Variants in CHD5 observed in about 807,000 individuals in gnomAD.
CHD5 encodes ATP-dependent chromatin remodeler CHD5.
A neutral mutation model predicts 230.3 loss-of-function variants in CHD5; 69 were observed. That is an observed-to-expected ratio of 0.30 (90% CI 0.25 to 0.37). The LOEUF (loss-of-function observed/expected upper bound fraction) is 0.37, where lower values mean the gene tolerates loss of function less well. Ranked by LOEUF, CHD5 falls within the 10% of genes least tolerant of loss-of-function variation. The pLI, the probability that CHD5 is intolerant of heterozygous loss-of-function variation, is 1.00. For missense variants in CHD5, 1,827 were observed against 2,622.8 expected, an observed-to-expected ratio of 0.70 and a Z score of 6.63; for synonymous variants, 1,064 against 1,065.9, an observed-to-expected ratio of 1.00 and a Z score of 0.03.
At chr1:6,150,640 A>G (rs1439410516) in intron 7 of CHD5, among the ~76,000 whole-genome samples, 1 of 151,828 alleles carries the variant, frequency 6.6e-6, no homozygotes, top group Non-Finnish European at 1.5e-5. Context: ...AAGGAGGGAG[A>G]AGGAGGGATG....
chr1:6,123,838 G>A (rs1365389865), intron 31 of CHD5, 110 bp downstream of exon 31: 19 of 701,822 alleles, frequency 2.7e-5, no homozygotes, highest in Non-Finnish European at 4.1e-5. Flanking sequence ...AGAGGCTTTG[G>A]GGGAAGGAGA....
In CHD5 at chr1:6,177,337, C is replaced by T. The variant is rs147508450; in HGVS notation, c.79+2608G>A. ...GACTTGACAGGAGGCCTGGCTAGGG[C>T]TGTCTTCACAGCCAGAAGCTGGGGT... On this transcript the variant is annotated intron_variant, in intron 1 of 41. Transcript: ENST00000262450. Among the ~76,000 whole-genome samples, 567 of 152,298 alleles carry T rather than the reference C, an allele frequency of 3.7e-3. 15 individuals are homozygous for T. Among genetic ancestry groups the T allele is most frequent in the Admixed American group, 0.031 (472 of 15,300 alleles).
intron 33 of CHD5, among the ~76,000 whole-genome samples, chr1:6,120,676 C>T (rs1666453916): frequency 6.6e-6 from 1 of 151,902 alleles, no homozygotes; most frequent in Non-Finnish European, 1.5e-5. Context: ...GTGGTATGCA[C>T]CTATAGTCCC....
rs753424349 is a variant in CHD5, at chr1:6,128,532, TGGC to T, written c.3694_3696del (p.Ala1232del). The T allele has an allele frequency of 5.0e-6, 8 of 1,614,070 alleles. No homozygotes were observed. In the African/African-American group the frequency reaches 1.1e-4, roughly 22 times the overall value. On this transcript the variant is annotated inframe_deletion, in exon 24 of 42. Coordinates refer to ENST00000262450, the MANE Select transcript of CHD5 (RefSeq NM_015557.3). The surrounding 1 kb of genome is among the most constrained non-coding windows in gnomAD (Gnocchi z 7.8). ...GTGCTACCGTGCTTCTTCTTTGCAC[TGGC>T]GGCCAAGTTCCCCCCTTTGGAGGAC...
Position 6,154,714 on chromosome 1 carries a change from G to A in CHD5, c.691C>T (p.Pro231Ser), listed in dbSNP as rs376898938. Residue 231 changes from proline (P) to serine (S), a missense_variant, in exon 5 of 42, where the codon CCG (proline) becomes TCG (serine). Pro to Ser is a moderately conservative substitution (Grantham distance 74). Coordinates refer to ENST00000262450, the MANE Select transcript of CHD5 (RefSeq NM_015557.3). This position sits in a 1 kb window ranked among gnomAD's most constrained non-coding sequence, Gnocchi z 7.0. ...TISPPLAVSP[P>S]QVPQPVPIRK... ...ATAGGCACAGGCTGGGGCACCTGCG[G>A]GGGGCTGACGGCTAGCGGAGGGGAG... 7 of 1,606,066 alleles carry A rather than the reference G, an allele frequency of 4.4e-6. No individual in the cohort carries two copies. The highest frequency in any genetic ancestry group is 6.0e-6 in the Non-Finnish European group (7 of 1,175,638).
intron 33 of CHD5, among the ~76,000 whole-genome samples, chr1:6,114,871 A>G (rs1049992573): frequency 6.6e-6 from 1 of 152,020 alleles, no homozygotes; most frequent in African/African-American, 2.4e-5. Context: ...AAAATTAGGC[A>G]GGTGTGGTGG....
chr1:6,177,803 G>A (rs888718983), intron 1 of CHD5, among the ~76,000 whole-genome samples: 9 of 152,230 alleles, frequency 5.9e-5, no homozygotes, highest in Non-Finnish European at 1.3e-4. Context: ...AGGATGGAGC[G>A]TGGAGCGTGG....
At chr1:6,149,142 C>T in intron 8 of CHD5, 67 bp from the exon 9 acceptor site, 4 of 1,465,340 alleles carry the variant, frequency 2.7e-6, no homozygotes, top group Non-Finnish European at 3.6e-6. Context: ...CGACTCCCTC[C>T]CTCCCCTACA....
rs372178185 is a variant in CHD5 at position 6,155,733 on chromosome 1, C to T, written c.388-16G>A. 1.2e-6 allele frequency: 2 copies of T among 1,606,524 alleles called. No individual in the cohort carries two copies. Among genetic ancestry groups the T allele is most frequent in the East Asian group, 4.5e-5 (2 of 44,846 alleles). On this transcript the variant is annotated splice_polypyrimidine_tract_variant and intron_variant, in intron 3 of 41. Coordinates refer to ENST00000262450, the MANE Select transcript of CHD5 (RefSeq NM_015557.3). This position sits in a 1 kb window ranked among gnomAD's most constrained non-coding sequence, Gnocchi z 4.0. ...ACTTGGGCTCCTACAGAGACCCAGG[C>T]CAGAGGTAGAGTTGTTGAGGGGCCT...
At position 6,125,711 on chromosome 1, in the gene CHD5, C is replaced by G; in HGVS notation, c.4171+55G>C. ...AGACCAGCCCCGCTCCTGCTGCCAT[C>G]AGCTCCCCTGACATGGCCTCAGCAG... On this transcript the variant is annotated intron_variant, in intron 27 of 41. Transcript: ENST00000262450. The surrounding 1 kb of genome is among the most constrained non-coding windows in gnomAD (Gnocchi z 6.7). 3.1e-6 allele frequency: 5 copies of G among 1,589,138 alleles called. No homozygotes were observed. The highest frequency in any genetic ancestry group is 4.3e-6 in the Non-Finnish European group (5 of 1,157,534).
intron 1 of CHD5, among the ~76,000 whole-genome samples, chr1:6,169,478 G>A (rs1301767974): frequency 6.6e-6 from 1 of 152,258 alleles, no homozygotes; most frequent in Non-Finnish European, 1.5e-5. Flanking sequence ...CCCAGAGGAA[G>A]GGCTGCCACA....
At position 6,180,102 on chromosome 1, in the gene CHD5, G is replaced by A. The variant is rs1014391435; in HGVS notation, c.-79C>T. The A allele has an allele frequency of 8.9e-6, 6 of 675,244 alleles. No homozygotes were observed. In the Admixed American group the frequency reaches 1.7e-4, roughly 19 times the overall value. The allele number at this position is 675,244 out of a possible 1,614,324, so 41.8% of individuals were successfully genotyped here. The stretch of plus-strand genomic sequence containing the variant: ...GCCAGCCTTAACCCGTGCGCTGCCG[G>A]ACCGGCGCGCGCGGCGGGCGAGGCG... On this transcript the variant is annotated 5_prime_UTR_variant, in exon 1 of 42. Transcript: ENST00000262450.
intron 33 of CHD5, among the ~76,000 whole-genome samples, chr1:6,120,579 G>A (rs7541521): frequency 0.25 from 37,392 of 151,400 alleles, 5,610 homozygotes; most frequent in African/African-American, 0.41. Flanking sequence ...CGAGGCAGGC[G>A]GATCACGAGG....
intron 38 of CHD5, 101 bp downstream of exon 38, chr1:6,109,694 C>A: frequency 3.9e-6 from 4 of 1,033,530 alleles, no homozygotes; most frequent in Non-Finnish European, 5.8e-6. Flanking sequence ...GACATCTGTC[C>A]CCAGCCCCTA....
chr1:6,177,311 C>T (rs1046205075), intron 1 of CHD5, among the ~76,000 whole-genome samples: 3 of 152,140 alleles, frequency 2.0e-5, no homozygotes, highest in Non-Finnish European at 2.9e-5. Flanking sequence ...GCCAGCAGTG[C>T]GACTTGACAG....
chr1:6,159,589 C>A (rs1667135391), intron 2 of CHD5, 74 bp from the exon 3 acceptor site: 2 of 1,286,324 alleles, frequency 1.6e-6, no homozygotes, highest in Non-Finnish European at 2.2e-6. Flanking sequence ...CAGGACGGCC[C>A]TGAGAGCTAC....
chr1:6,106,871 G>A (rs1275321649), intron 38 of CHD5, 92 bp from the exon 39 acceptor site: 3 of 881,878 alleles, frequency 3.4e-6, no homozygotes, highest in African/African-American at 4.2e-5. Context: ...GGGGTGGAGG[G>A]GTGGAGGGGT....
intron 2 of CHD5, among the ~76,000 whole-genome samples, chr1:6,161,845 C>T (rs957137547): frequency 1.3e-5 from 2 of 152,148 alleles, no homozygotes; most frequent in East Asian, 1.9e-4. Flanking sequence ...TGGGGCTGGC[C>T]GGAGGAAGGG....
chr1:6,115,278 C>G (rs972170719), intron 33 of CHD5, among the ~76,000 whole-genome samples: 1 of 151,700 alleles, frequency 6.6e-6, no homozygotes, highest in South Asian at 2.1e-4. Context: ...AGGAAACACA[C>G]AATCATTAAC....
Sources: allele counts gnomAD v4.1 joint callset (sites outside exome capture counted in the v4.1 genomes callset), GRCh38; gene constraint gnomAD v4.1.1; non-coding constraint Gnocchi (gnomAD v3.1); transcripts MANE v1.5; gene names NCBI Gene and HGNC (gene_info 2026-07-23, HGNC 2026-07-21).